FAT4: variants seen among roughly 807,000 people sequenced by gnomAD.
FAT4 encodes the protein FAT atypical cadherin 4, also known as protocadherin Fat 4.
Under a neutral mutation model 303.9 loss-of-function variants are expected in FAT4, and 84 were observed. That is an observed-to-expected ratio of 0.28 (90% CI 0.23 to 0.33). FAT4 has a LOEUF of 0.33. Ranked by LOEUF, FAT4 falls within the 10% of genes least tolerant of loss-of-function variation. FAT4 has a pLI of 1.00. For synonymous variants in FAT4, 2,307 were observed against 2,298.8 expected, an observed-to-expected ratio of 1.00 and a Z score of -0.10; for missense variants, 6,005 against 6,146.8, an observed-to-expected ratio of 0.98 and a Z score of 0.77.
At chr4:125,341,804 A>G (rs1485153464) in intron 2 of FAT4, among the ~76,000 whole-genome samples, 4 of 152,076 alleles carry the variant, frequency 2.6e-5, no homozygotes, top group Non-Finnish European at 5.9e-5. Context: ...CTTCTGCATA[A>G]TATAAAGACA....
At chr4:125,420,439 A>G (rs937893542) in intron 7 of FAT4, among the ~76,000 whole-genome samples, 1 of 152,196 alleles carries the variant, frequency 6.6e-6, no homozygotes, top group African/African-American at 2.4e-5. Context: ...TTTAATATGC[A>G]ACTGTTATTT....
intron 2 of FAT4, among the ~76,000 whole-genome samples, chr4:125,347,653 G>C (rs958449603): frequency 6.6e-6 from 1 of 151,578 alleles, no homozygotes; most frequent in Admixed American, 6.6e-5. Flanking sequence ...TGTGCTCACT[G>C]TGTTATATTT....
At chr4:125,380,557 CT>C (rs960556919) in intron 2 of FAT4, among the ~76,000 whole-genome samples, 56 of 152,190 alleles carry the variant, frequency 3.7e-4, no homozygotes, top group African/African-American at 1.3e-3. Context: ...TTAACAGAGA[CT>C]ATTAAGATTG....
At chr4:125,395,391 C>A (rs1227714258) in intron 2 of FAT4, among the ~76,000 whole-genome samples, 1 of 152,084 alleles carries the variant, frequency 6.6e-6, no homozygotes, top group Non-Finnish European at 1.5e-5. Flanking sequence ...CTCACTGCAA[C>A]CTCTGCATCC....
At chr4:125,428,801 T>C (rs1406489121) in intron 7 of FAT4, among the ~76,000 whole-genome samples, 1 of 152,196 alleles carries the variant, frequency 6.6e-6, no homozygotes, top group African/African-American at 2.4e-5. Flanking sequence ...CTAATTCAAA[T>C]ATCCACTGCA....
At chr4:125,377,929 A>G (rs1733394064) in intron 2 of FAT4, among the ~76,000 whole-genome samples, 1 of 152,060 alleles carries the variant, frequency 6.6e-6, no homozygotes, top group South Asian at 2.1e-4. Context: ...ATATGTTGTT[A>G]TTTACTTTAA....
intron 6 of FAT4, 152 bp from the exon 7 acceptor site, chr4:125,416,296 G>C (rs184795049): frequency 2.9e-6 from 2 of 681,700 alleles, no homozygotes; most frequent in East Asian, 2.7e-5. Context: ...ATATACTATA[G>C]TGTGCCATTT....
chr4:125,452,933 T>G, intron 10 of FAT4, 123 bp downstream of exon 10: 1 of 1,229,200 alleles, frequency 8.1e-7, no homozygotes, highest in Non-Finnish European at 1.1e-6. Context: ...CAAATGTTTT[T>G]AAACATTTAC....
At position 125,450,766 on chromosome 4, in the gene FAT4, A is replaced by C. The variant is rs757886856; in HGVS notation, c.9756A>C (p.Ile3252=). The C allele has an allele frequency of 1.9e-6, 3 of 1,614,122 alleles. No individual in the cohort carries two copies. The highest frequency in any genetic ancestry group is 1.7e-6 in the Non-Finnish European group (2 of 1,180,004). Residue 3252 remains isoleucine (I), a synonymous_variant, in exon 10 of 18, where the codon ATA becomes ATC. Coordinates refer to ENST00000394329, the MANE Select transcript of FAT4 (RefSeq NM_001291303.3). Reference sequence around the variant, plus strand: ...TCATTGACCCTAACACAGGAGTCATAACCACTCAAGGCTTCTTGGATTTTG... The same window carrying C: ...TCATTGACCCTAACACAGGAGTCATCACCACTCAAGGCTTCTTGGATTTTG... ...LFVIDPNTGV[I]TTQGFLDFET... is the part of the protein sequence containing the mutation.
At chr4:125,362,305 A>C (rs1732706830) in intron 2 of FAT4, among the ~76,000 whole-genome samples, 2 of 152,154 alleles carry the variant, frequency 1.3e-5, no homozygotes, top group Non-Finnish European at 2.9e-5. Context: ...GACTGTAAAT[A>C]GATTGAGGGC....
intron 2 of FAT4, among the ~76,000 whole-genome samples, chr4:125,334,004 C>A (rs1022892194): frequency 6.6e-6 from 1 of 151,944 alleles, no homozygotes; most frequent in Non-Finnish European, 1.5e-5. Context: ...CATTTGACAC[C>A]TCATTTTCAA....
At chr4:125,326,747 G>A (rs1395436079) in intron 2 of FAT4, among the ~76,000 whole-genome samples, 2 of 152,150 alleles carry the variant, frequency 1.3e-5, no homozygotes, top group Admixed American at 6.5e-5. Flanking sequence ...TGCTTAAAAA[G>A]CATTTAAGGC....
chr4:125,372,475 A>G (rs1733156589), intron 2 of FAT4, among the ~76,000 whole-genome samples: 1 of 152,168 alleles, frequency 6.6e-6, no homozygotes, highest in Admixed American at 6.6e-5. Context: ...TTAAAAGATT[A>G]TTTTAATAGA....
At chr4:125,465,596 T>C (rs1251712155) in intron 11 of FAT4, among the ~76,000 whole-genome samples, 1 of 152,210 alleles carries the variant, frequency 6.6e-6, no homozygotes, top group Non-Finnish European at 1.5e-5. Context: ...AACAAGTTGC[T>C]GCTGCAGTGT....
intron 8 of FAT4, among the ~76,000 whole-genome samples, chr4:125,435,226 A>C (rs1725411792): frequency 6.6e-6 from 1 of 152,220 alleles, no homozygotes; most frequent in Non-Finnish European, 1.5e-5. Flanking sequence ...TTTGAGTTGC[A>C]ACATTTTATC....
In FAT4 at chr4:125,332,159, C is replaced by CTTT. The variant is rs199702900; in HGVS notation, c.5175+10588_5175+10590dup. On this transcript the variant is annotated intron_variant, in intron 2 of 17. Transcript: ENST00000394329. ...AAGTATTTTAGAGTTCCGTTCCATTCTTTTTTTTTTTTTTTTTCCTTTCTC... is the reference window on the plus strand; with the variant it reads ...AAGTATTTTAGAGTTCCGTTCCATTCTTTTTTTTTTTTTTTTTTTTCCTTTCTC... Among the ~76,000 whole-genome samples the CTTT allele has an allele frequency of 5.9e-3, 790 of 133,246 alleles. 16 individuals carry two copies. The highest frequency in any genetic ancestry group is 0.016 in the African/African-American group (582 of 35,966). The allele number at this position is 133,246 out of a possible 152,430, so 87.4% of individuals were successfully genotyped here. A position where few individuals can be genotyped will look rare whatever the true frequency, so the allele number is the denominator to read the frequency against.
rs1251983237 is a variant in FAT4, at chr4:125,321,514, A to G, written c.5103A>G (p.Gly1701=). The change falls in exon 2 of 18, where the codon GGA becomes GGG. Residue 1701 remains glycine, a synonymous_variant. Transcript: ENST00000394329. ...QTAAILDREQ[G]ACLYLVDVYA... ...CAGCCATTCTGGACCGGGAGCAAGG[A>G]GCATGTCTTTACCTGGTGGATGTTT... The G allele has an allele frequency of 6.2e-7, 1 of 1,614,020 alleles. No homozygotes were observed. The highest frequency in any genetic ancestry group is 8.5e-7 in the Non-Finnish European group (1 of 1,180,008).
intron 9 of FAT4, among the ~76,000 whole-genome samples, chr4:125,447,862 T>C (rs1427430909): frequency 6.6e-6 from 1 of 152,122 alleles, no homozygotes; most frequent in African/African-American, 2.4e-5. Flanking sequence ...CTTATGTATA[T>C]ATCTGTGTAT....
Position 125,450,553 on chromosome 4 carries a change from T to A in FAT4, c.9543T>A (p.Ser3181Arg). 3 of 1,614,130 alleles carry A rather than the reference T, an allele frequency of 1.9e-6. No individual in the cohort carries two copies. The highest frequency in any genetic ancestry group is 2.5e-6 in the Non-Finnish European group (3 of 1,179,998). The change falls in exon 10 of 18, where the codon AGT (serine) becomes AGA (arginine). Residue 3181 changes from serine (S) to arginine (R), a missense_variant. Transcript: ENST00000394329. The stretch of plus-strand genomic sequence containing the variant: ...GGGTTGCAAGAACTGGTTACTGCAG[T>A]GTGACCGTAAATGTGATTGATGTGA... The part of the protein sequence containing the change: ...GGWVARTGYC[S>R]VTVNVIDVND...
Sources: gnomAD v4.1 joint callset for allele counts (sites outside exome capture counted in the v4.1 genomes callset) on GRCh38, gnomAD v4.1.1 for gene constraint, MANE v1.5 for transcripts, NCBI Gene and HGNC (gene_info 2026-07-23, HGNC 2026-07-21) for gene names.